SRFBP1: variants seen among roughly 807,000 people sequenced by gnomAD.
The protein encoded by SRFBP1 is serum response factor-binding protein 1.
A neutral mutation model predicts 45.5 loss-of-function variants in SRFBP1; 47 were observed. That is an observed-to-expected ratio of 1.03 (90% CI 0.82 to 1.32). SRFBP1 has a LOEUF of 1.32. SRFBP1 is among the 40% of genes most tolerant of loss of function. The pLI is 0.00. For synonymous variants in SRFBP1, 203 were observed against 166.3 expected (o/e 1.22, Z -1.70); for missense variants, 621 against 484.6 (o/e 1.28, Z -2.64).
intron 2 of SRFBP1, among the ~76,000 whole-genome samples, chr5:122,042,489 T>G (rs1309640357): frequency 6.6e-6 from 1 of 152,192 alleles, no homozygotes; most frequent in African/African-American, 2.4e-5. Flanking sequence ...TGAGCTCAAC[T>G]GATCCTCTTT....
At chr5:121,974,749 A>G (rs1752267670) in intron 2 of SRFBP1, among the ~76,000 whole-genome samples, 1 of 151,832 alleles carries the variant, frequency 6.6e-6, no homozygotes, top group Non-Finnish European at 1.5e-5. Context: ...AATTTTTTGG[A>G]AAAATACAAT....
At chr5:122,053,740 C>G (rs1754030869) in intron 2 of SRFBP1, among the ~76,000 whole-genome samples, 1 of 152,102 alleles carries the variant, frequency 6.6e-6, no homozygotes, top group Non-Finnish European at 1.5e-5. Context: ...CAACAGGAAG[C>G]TGTATCCTCC....
Position 121,966,824 on chromosome 5 carries a change from G to A in SRFBP1, c.36+4756G>A, listed in dbSNP as rs553227043. 8.7e-4 allele frequency among the ~76,000 whole-genome samples: 131 copies of A among 150,782 alleles called. 2 individuals carry two copies. Among genetic ancestry groups the A allele is most frequent in the African/African-American group, 3.1e-3 (127 of 41,088 alleles). On this transcript the variant is annotated intron_variant, in intron 1 of 7. Coordinates refer to ENST00000339397, the MANE Select transcript of SRFBP1 (RefSeq NM_152546.3). ...AGACGGAGTCTCGCTCTGTCGCCCA[G>A]GCTGGAGTGCAGTGGCAGGATCTTG...
chr5:122,011,496 G>A (rs1306984672), intron 4 of SRFBP1, among the ~76,000 whole-genome samples: 3 of 152,076 alleles, frequency 2.0e-5, no homozygotes, highest in Admixed American at 6.6e-5. Context: ...AGATTACTTA[G>A]TAGCCTTTTA....
In SRFBP1 at chr5:121,978,578, G is replaced by A. The variant is rs188589912; in HGVS notation, c.198+3191G>A. On this transcript the variant is annotated intron_variant, in intron 3 of 7. Coordinates refer to ENST00000339397, the MANE Select transcript of SRFBP1 (RefSeq NM_152546.3). ...CCGATCTCTGCTCACTGTAACCTCC[G>A]CCTCCTGGGTTCAAATGATTCTCCT... 8.6e-5 allele frequency among the ~76,000 whole-genome samples: 13 copies of A among 151,990 alleles called. No individual in the cohort carries two copies. The East Asian group carries it at 1.5e-3, about 18-fold the overall frequency.
chr5:122,053,223 C>A (rs1189709126), intron 2 of SRFBP1, among the ~76,000 whole-genome samples: 1 of 152,154 alleles, frequency 6.6e-6, no homozygotes, highest in African/African-American at 2.4e-5. Flanking sequence ...GAGTTGGAAG[C>A]TTTAGCAGGT....
chr5:122,051,283 T>C (rs932913876), intron 2 of SRFBP1, among the ~76,000 whole-genome samples: 2 of 151,922 alleles, frequency 1.3e-5, no homozygotes, highest in Non-Finnish European at 2.9e-5. Context: ...TTTGGTCAAG[T>C]GTTAAGTTCA....
chr5:122,077,171 A>G (rs1754663381), downstream of SRFBP1: 1 of 1,463,976 alleles, frequency 6.8e-7, no homozygotes, highest in Non-Finnish European at 9.0e-7. This position sits in a 1 kb window ranked among gnomAD's most constrained non-coding sequence, Gnocchi z 4.9. Context: ...AGCAATGTGA[A>G]AAGGAAGCAG....
In SRFBP1 at chr5:122,022,431, C is replaced by A. The variant is rs757327493; in HGVS notation, c.1105+24C>A. 4 of 1,596,704 alleles carry A rather than the reference C, an allele frequency of 2.5e-6. No homozygotes were observed. The Admixed American group carries it at 6.9e-5, about 28-fold the overall frequency. The stretch of plus-strand genomic sequence containing the variant: ...AGGTATGTATTCATAGTTGCCTGAC[C>A]TTCATATGCAATTAAGCTATGTTTT... On this transcript the variant is annotated intron_variant, in intron 7 of 7. Coordinates refer to ENST00000339397, the MANE Select transcript of SRFBP1 (RefSeq NM_152546.3).
chr5:122,069,152 T>C (rs1250638877), intron 2 of SRFBP1, among the ~76,000 whole-genome samples: 2 of 152,180 alleles, frequency 1.3e-5, no homozygotes, highest in African/African-American at 4.8e-5. Context: ...TCCTGGGTTT[T>C]TGTATCAGGC....
chr5:122,077,318 G>T (rs760202356), downstream of SRFBP1: 128 of 1,612,712 alleles, frequency 7.9e-5, no homozygotes, highest in Non-Finnish European at 1.1e-4. The surrounding 1 kb of genome is among the most constrained non-coding windows in gnomAD (Gnocchi z 4.9). Context: ...TGGGGACCAG[G>T]TGCACGGGTG....
rs565340274 is a variant in SRFBP1 at position 122,074,966 on chromosome 5, A to C, written n.312-349A>C. On this transcript the variant is annotated intron_variant and non_coding_transcript_variant, in intron 2 of 2. Transcript: ENST00000504881. The stretch of plus-strand genomic sequence containing the variant: ...CCTTGGGCTTGATACAGGTCTTTTA[A>C]AAGATGGAAGAAGGTCCTTCTGAGC... Among the ~76,000 whole-genome samples the C allele has an allele frequency of 1.6e-4, 25 of 152,360 alleles. 1 individual carries two copies. The South Asian group carries it at 3.1e-3, about 19-fold the overall frequency.
At chr5:121,994,714 A>G (rs770072212) in intron 4 of SRFBP1, 44 bp downstream of exon 4, 17 of 1,278,082 alleles carry the variant, frequency 1.3e-5, no homozygotes, top group South Asian at 2.8e-5. Context: ...AAAGTTTCTC[A>G]TCTATATTGC....
chr5:122,054,137 C>T (rs528088472), intron 2 of SRFBP1, among the ~76,000 whole-genome samples: 9 of 152,292 alleles, frequency 5.9e-5, no homozygotes, highest in African/African-American at 1.9e-4. Flanking sequence ...CTCCAGGGCC[C>T]AAAGCTTGTA....
intron 2 of SRFBP1, among the ~76,000 whole-genome samples, chr5:122,046,246 T>A (rs921739236): frequency 6.6e-6 from 1 of 152,032 alleles, no homozygotes; most frequent in African/African-American, 2.4e-5. Flanking sequence ...CCTTCCTGTG[T>A]CCATGCGTTC....
At position 122,017,198 on chromosome 5, in the gene SRFBP1, C is replaced by G. The variant is rs117448809; in HGVS notation, c.271-2062C>G. ...AAGCCAAGATCACGCTACTGCAACT[C>G]CAGCCTGGGTGACAGAGTGAGACTC... On this transcript the variant is annotated intron_variant, in intron 4 of 7. Transcript: ENST00000339397. 4.1e-3 allele frequency among the ~76,000 whole-genome samples: 618 copies of G among 152,118 alleles called. 15 individuals are homozygous for G. In the East Asian group the frequency reaches 0.052, roughly 13 times the overall value.
Position 121,961,999 on chromosome 5 carries a change from G to T in SRFBP1, c.-34G>T. 1 of 1,613,538 alleles carries T rather than the reference G, an allele frequency of 6.2e-7. No homozygotes were observed. Among genetic ancestry groups the T allele is most frequent in the East Asian group, 2.2e-5 (1 of 44,854 alleles). On this transcript the variant is annotated 5_prime_UTR_variant, in exon 1 of 8. Transcript: ENST00000339397. ...CGCGGTCTGAGAGACCGGTTCACGT[G>T]CAGGCAGCGGCGGATCATATTCCTT... is the stretch of plus-strand genomic sequence containing the variant.
chr5:122,074,956 A>C (rs73285776), intron 2 of SRFBP1, among the ~76,000 whole-genome samples: 4 of 152,344 alleles, frequency 2.6e-5, no homozygotes, highest in African/African-American at 9.6e-5. Flanking sequence ...GGCTTGATAC[A>C]GGTCTTTTAA....
chr5:121,983,516 T>G (rs1752454867), intron 3 of SRFBP1, among the ~76,000 whole-genome samples: 1 of 151,800 alleles, frequency 6.6e-6, no homozygotes, highest in Admixed American at 6.6e-5. Context: ...CTGTGAGAGA[T>G]AGGACTGTAT....
Sources: allele counts gnomAD v4.1 joint callset (sites outside exome capture counted in the v4.1 genomes callset), GRCh38; gene constraint gnomAD v4.1.1; non-coding constraint Gnocchi (gnomAD v3.1); transcripts MANE v1.5; gene names NCBI Gene and HGNC (gene_info 2026-07-23, HGNC 2026-07-21).